ACP7: variants seen among roughly 807,000 people sequenced by gnomAD.
ACP7 encodes the protein acid phosphatase 7, tartrate resistant (putative).
In ACP7, 58 loss-of-function variants were observed where a neutral mutation model predicts 60.6. The observed-to-expected ratio is 0.96, with a 90% CI of 0.77 to 1.19. The LOEUF is 1.19. Ranked by LOEUF, ACP7 falls within the 50% of genes most tolerant of loss-of-function variation. ACP7 has a pLI of 0.00. For synonymous variants in ACP7, 237 were observed against 232.6 expected, an observed-to-expected ratio of 1.02 and a Z score of -0.17; for missense variants, 574 against 596.2, an observed-to-expected ratio of 0.96 and a Z score of 0.39.
intron 2 of ACP7, among the ~76,000 whole-genome samples, chr19:39,092,370 G>GTATATATATATATATATATA (rs59033785): frequency 6.7e-6 from 1 of 149,150 alleles, no homozygotes; most frequent in African/African-American, 2.5e-5. Context: ...GCGAAACTCT[G>GTATATATATATATATATATA]TATATATATA....
At chr19:39,109,277 GA>G (rs1167263957) in intron 12 of ACP7, among the ~76,000 whole-genome samples, 1 of 152,116 alleles carries the variant, frequency 6.6e-6, no homozygotes, top group Admixed American at 6.5e-5. Context: ...ACCATTTATC[GA>G]GTGGCACATG....
chr19:39,083,817 A>G (rs2073110539), upstream of ACP7: 1 of 152,288 alleles, frequency 6.6e-6, no homozygotes, highest in Non-Finnish European at 1.5e-5. Flanking sequence ...CCTAGGTCGC[A>G]CAGCTCAGAA....
Position 39,110,646 on chromosome 19 carries a change from T to C in ACP7, c.*528T>C, listed in dbSNP as rs748612775. ...CTTCTTCACTGCTCCAGGACTGCTA[T>C]GAAGAGTCCCTTCATGCCTCAGTTT... On this transcript the variant is annotated 3_prime_UTR_variant, in exon 13 of 13. Coordinates refer to ENST00000331256, the MANE Select transcript of ACP7 (RefSeq NM_001004318.3). The C allele has an allele frequency of 1.3e-5, 2 of 153,348 alleles. No individual in the cohort carries two copies. Among genetic ancestry groups the C allele is most frequent in the Non-Finnish European group, 2.9e-5 (2 of 68,796 alleles). 9.5% of individuals were successfully genotyped at this position (153,348 alleles called of 1,614,324 possible). A position where few individuals can be genotyped will look rare whatever the true frequency, so the allele number is the denominator to read the frequency against.
At chr19:39,100,086 C>A in intron 4 of ACP7, 141 bp from the exon 5 acceptor site, 2 of 1,215,776 alleles carry the variant, frequency 1.6e-6, no homozygotes, top group Non-Finnish European at 2.2e-6. Flanking sequence ...GTTTTGAATT[C>A]CTGGGCTCAA....
chr19:39,103,389 C>T (rs912927891), intron 11 of ACP7, among the ~76,000 whole-genome samples: 7 of 149,380 alleles, frequency 4.7e-5, no homozygotes, highest in African/African-American at 1.5e-4. Context: ...CTCCTTTCCA[C>T]TCATCCCCTC....
chr19:39,097,852 T>C (rs2073284991), intron 2 of ACP7, among the ~76,000 whole-genome samples: 1 of 152,166 alleles, frequency 6.6e-6, no homozygotes, highest in Admixed American at 6.6e-5. Context: ...TTTATATTTA[T>C]TCATCTAAGC....
intron 12 of ACP7, 143 bp downstream of exon 12, chr19:39,107,227 C>A: frequency 2.2e-6 from 2 of 914,718 alleles, no homozygotes; most frequent in Non-Finnish European, 2.9e-6. Flanking sequence ...GTATGAGGAT[C>A]GCTTGAGTCC....
rs149595155 is a variant in ACP7, at chr19:39,085,665, G to A, written c.121+275G>A. Among the ~76,000 whole-genome samples the A allele has an allele frequency of 7.9e-5, 12 of 152,278 alleles. No individual in the cohort carries two copies. The East Asian group carries it at 2.1e-3, about 27-fold the overall frequency. ...TTCATTGCATCTCTGTTGTGTTTCC[G>A]GGACCTGGCACGTTTGTTCGTTCAT... is the stretch of plus-strand genomic sequence containing the variant. On this transcript the variant is annotated intron_variant, in intron 2 of 12. Transcript: ENST00000331256.
intron 5 of ACP7, 21 bp from the exon 6 acceptor site, chr19:39,100,559 C>T (rs2073327595): frequency 6.2e-7 from 1 of 1,613,082 alleles, no homozygotes; most frequent in Admixed American, 1.7e-5. Flanking sequence ...ACCTCCATCC[C>T]TTGTACTTCC....
Position 39,101,546 on chromosome 19 carries a change from G to A in ACP7, c.1113+9G>A, listed in dbSNP as rs200472134. 45 of 1,612,900 alleles carry A rather than the reference G, an allele frequency of 2.8e-5. No individual in the cohort carries two copies. The East Asian group carries it at 4.9e-4, about 18-fold the overall frequency. ...TCATCACAGGATCTGCTGTGAGCAG[G>A]GGGAAGGGTGGCTTTGCCTTCTCTC... is the stretch of plus-strand genomic sequence containing the variant. On this transcript the variant is annotated intron_variant, in intron 11 of 12. Coordinates refer to ENST00000331256, the MANE Select transcript of ACP7 (RefSeq NM_001004318.3).
chr19:39,088,471 C>T (rs1329961012), intron 2 of ACP7, among the ~76,000 whole-genome samples: 1 of 152,230 alleles, frequency 6.6e-6, no homozygotes, highest in Non-Finnish European at 1.5e-5. Context: ...AAACCCATCT[C>T]GTAGTGCTGC....
chr19:39,088,022 T>C (rs1258620688), intron 2 of ACP7, among the ~76,000 whole-genome samples: 1 of 152,050 alleles, frequency 6.6e-6, no homozygotes, highest in Non-Finnish European at 1.5e-5. Context: ...TCAAAGAAGA[T>C]AGTTTCTTCT....
chr19:39,092,881 G>A (rs550601059), intron 2 of ACP7, among the ~76,000 whole-genome samples: 5 of 148,484 alleles, frequency 3.4e-5, no homozygotes, highest in East Asian at 2.1e-4. Context: ...AGATTCAAGC[G>A]ATTCTCCTGT....
intron 2 of ACP7, among the ~76,000 whole-genome samples, chr19:39,092,420 T>C (rs2073213951): frequency 6.6e-6 from 1 of 152,104 alleles, no homozygotes; most frequent in Non-Finnish European, 1.5e-5. Context: ...TTTACAGGTG[T>C]GCCTGTGGGA....
Sources: allele counts gnomAD v4.1 joint callset (sites outside exome capture counted in the v4.1 genomes callset), GRCh38; gene constraint gnomAD v4.1.1; transcripts MANE v1.5; gene names NCBI Gene and HGNC (gene_info 2026-07-23, HGNC 2026-07-21).